The following NXPH1 variants were observed in gnomAD, a reference collection of about 807,000 sequenced individuals.
The protein encoded by NXPH1 is neurexophilin-1.
In NXPH1, 5 loss-of-function variants were observed where a neutral mutation model predicts 23.7. The ratio of observed to expected loss-of-function variants is 0.21; its 90% CI spans 0.11 to 0.44. The LOEUF (loss-of-function observed/expected upper bound fraction) is 0.44, where lower values mean the gene tolerates loss of function less well. Ranked by LOEUF, NXPH1 falls within the 20% of genes least tolerant of loss-of-function variation. The pLI is 0.99. For synonymous variants in NXPH1, 144 were observed against 122.2 expected, an observed-to-expected ratio of 1.18 and a Z score of -1.18; for missense variants, 324 against 321.6, an observed-to-expected ratio of 1.01 and a Z score of -0.06.
At chr7:8,613,744 T>C (rs1819670118) in intron 2 of NXPH1, among the ~76,000 whole-genome samples, 1 of 151,942 alleles carries the variant, frequency 6.6e-6, no homozygotes, top group African/African-American at 2.4e-5. Context: ...TCTCATAGTG[T>C]TTTTTAAGGT....
At chr7:8,682,780 G>T (rs1294570937) in intron 2 of NXPH1, among the ~76,000 whole-genome samples, 1 of 152,186 alleles carries the variant, frequency 6.6e-6, no homozygotes, top group Admixed American at 6.5e-5. Flanking sequence ...CTTCAGAAAT[G>T]CAGTACAAGA....
Position 8,435,492 on chromosome 7 carries a change from T to TC in NXPH1, c.-110-109dup, listed in dbSNP as rs1308124509. The TC allele has an allele frequency of 3.5e-6, 2 of 574,678 alleles. No homozygotes were observed. Among genetic ancestry groups the TC allele is most frequent in the African/African-American group, 3.8e-5 (2 of 52,242 alleles). The allele number at this position is 574,678 out of a possible 1,614,324, so 35.6% of individuals were successfully genotyped here. Reference sequence around the variant, plus strand: ...GCTTTTCAATTTTTCGTACCCTCCCTCCCTTTTTTTTTTGGTCCCCCACTC... The same window carrying TC: ...GCTTTTCAATTTTTCGTACCCTCCCTCCCCTTTTTTTTTTGGTCCCCCACTC... On this transcript the variant is annotated intron_variant, in intron 1 of 2. Coordinates refer to ENST00000405863, the MANE Select transcript of NXPH1 (RefSeq NM_152745.3). This position sits in a 1 kb window ranked among gnomAD's most constrained non-coding sequence, Gnocchi z 5.9.
At chr7:8,451,654 G>T (rs893852789) in intron 2 of NXPH1, among the ~76,000 whole-genome samples, 2 of 152,328 alleles carry the variant, frequency 1.3e-5, no homozygotes, top group South Asian at 4.1e-4. Context: ...TATGGTGAGA[G>T]AATACTTCTC....
At chr7:8,593,309 T>G (rs955806310) in intron 2 of NXPH1, among the ~76,000 whole-genome samples, 1 of 151,892 alleles carries the variant, frequency 6.6e-6, no homozygotes, top group African/African-American at 2.4e-5. Context: ...TGGGAATACA[T>G]AGCAATCATA....
At chr7:8,537,872 T>C (rs1389177823) in intron 2 of NXPH1, among the ~76,000 whole-genome samples, 1 of 151,918 alleles carries the variant, frequency 6.6e-6, no homozygotes, top group African/African-American at 2.4e-5. Context: ...TTACTTTTTA[T>C]ATTTTCAAAG....
At chr7:8,553,428 C>G (rs1245640244) in intron 2 of NXPH1, among the ~76,000 whole-genome samples, 1 of 150,486 alleles carries the variant, frequency 6.6e-6, no homozygotes, top group Non-Finnish European at 1.5e-5. Context: ...CAGAAATTGG[C>G]TGGTACATAA....
At chr7:8,591,586 T>G (rs1163667792) in intron 2 of NXPH1, among the ~76,000 whole-genome samples, 1 of 152,100 alleles carries the variant, frequency 6.6e-6, no homozygotes, top group Non-Finnish European at 1.5e-5. Flanking sequence ...TCCCTTAATC[T>G]TGCAAAACTT....
intron 2 of NXPH1, among the ~76,000 whole-genome samples, chr7:8,636,603 G>A (rs1562438051): frequency 6.6e-6 from 1 of 152,166 alleles, no homozygotes; most frequent in Non-Finnish European, 1.5e-5. Flanking sequence ...TAGTGAGTAT[G>A]GCATCCCATG....
intron 2 of NXPH1, among the ~76,000 whole-genome samples, chr7:8,575,942 A>G (rs1818746492): frequency 6.6e-6 from 1 of 152,136 alleles, no homozygotes; most frequent in Non-Finnish European, 1.5e-5. Flanking sequence ...TCTAAATGAA[A>G]AAGAACTGCT....
intron 2 of NXPH1, among the ~76,000 whole-genome samples, chr7:8,684,421 A>C (rs1320028360): frequency 6.6e-6 from 1 of 152,178 alleles, no homozygotes. Flanking sequence ...GTTTTCTTTC[A>C]GGCCATATTC....
At chr7:8,535,704 G>C (rs1818015825) in intron 2 of NXPH1, among the ~76,000 whole-genome samples, 1 of 151,962 alleles carries the variant, frequency 6.6e-6, no homozygotes. Flanking sequence ...GAGATAGAGA[G>C]TGACTGGGGT....
intron 2 of NXPH1, among the ~76,000 whole-genome samples, chr7:8,583,800 C>G (rs980703988): frequency 6.6e-6 from 1 of 152,268 alleles, no homozygotes; most frequent in African/African-American, 2.4e-5. Flanking sequence ...CCCTCTTTAT[C>G]TTTTGGAACT....
intron 2 of NXPH1, among the ~76,000 whole-genome samples, chr7:8,568,041 C>T (rs182553212): frequency 1.8e-4 from 28 of 151,826 alleles, no homozygotes; most frequent in Admixed American, 3.9e-4. Flanking sequence ...CTTTTTTCAA[C>T]GTCCCATGCT....
chr7:8,586,264 A>G (rs1444687659), intron 2 of NXPH1, among the ~76,000 whole-genome samples: 1 of 152,186 alleles, frequency 6.6e-6, no homozygotes, highest in East Asian at 1.9e-4. Context: ...CTCATAGAAC[A>G]GGAATGCAAG....
chr7:8,531,005 G>C (rs1378694117), intron 2 of NXPH1, among the ~76,000 whole-genome samples: 1 of 152,116 alleles, frequency 6.6e-6, no homozygotes, highest in Non-Finnish European at 1.5e-5. Flanking sequence ...TTTATATGTT[G>C]TAGTTTAAGG....
At chr7:8,728,474 T>C (rs553306764) in intron 2 of NXPH1, among the ~76,000 whole-genome samples, 1 of 152,214 alleles carries the variant, frequency 6.6e-6, no homozygotes, top group Admixed American at 6.5e-5. Context: ...TGGCTGTGGG[T>C]TTGTCATAGA....
At chr7:8,544,464 T>A (rs914871878) in intron 2 of NXPH1, among the ~76,000 whole-genome samples, 2 of 151,616 alleles carry the variant, frequency 1.3e-5, no homozygotes, top group Non-Finnish European at 1.5e-5. Flanking sequence ...CACAGATTCT[T>A]GAAAGACTCA....
In NXPH1 at chr7:8,608,874, C is replaced by G. The variant is rs148451747; in HGVS notation, c.55-142134C>G. Among the ~76,000 whole-genome samples, 681 of 152,110 alleles carry G rather than the reference C, an allele frequency of 4.5e-3. 5 individuals carry two copies. The highest frequency in any genetic ancestry group is 0.015 in the African/African-American group (643 of 41,488). On this transcript the variant is annotated intron_variant, in intron 2 of 2. Transcript: ENST00000405863. ...ACAGGTATACTAGGGAGTTTTTGAT[C>G]ACACTTAAAAATTACTTGTGTAATT... is the stretch of plus-strand genomic sequence containing the variant.
chr7:8,721,709 C>T (rs1583245973), intron 2 of NXPH1, among the ~76,000 whole-genome samples: 2 of 152,274 alleles, frequency 1.3e-5, no homozygotes, highest in African/African-American at 2.4e-5. Context: ...GCCCAGGAGG[C>T]GGAGCTTGCA....
Sources: allele counts gnomAD v4.1 joint callset (sites outside exome capture counted in the v4.1 genomes callset), GRCh38; gene constraint gnomAD v4.1.1; non-coding constraint Gnocchi (gnomAD v3.1); transcripts MANE v1.5; gene names NCBI Gene and HGNC (gene_info 2026-07-23, HGNC 2026-07-21).